Variants in GLIS3 observed in about 807,000 individuals in gnomAD.
The protein encoded by GLIS3 is GLIS family zinc finger 3, also known as zinc finger protein GLIS3.
In GLIS3, 53 loss-of-function variants were observed where a neutral mutation model predicts 78.6. The ratio of observed to expected loss-of-function variants is 0.67; its 90% CI spans 0.54 to 0.85. The LOEUF (loss-of-function observed/expected upper bound fraction) is 0.85. Among genes scored for constraint, GLIS3 ranks in the 40% least tolerant of loss-of-function variants. GLIS3 has a pLI of 0.00. For synonymous variants in GLIS3, 684 were observed against 509.9 expected (o/e 1.34, Z -4.60); for missense variants, 1,703 against 1,231.1 (o/e 1.38, Z -5.74).
rs113363121 is a variant in GLIS3, at chr9:4,277,021, G to T, written c.388+9017C>A. 5.6e-4 allele frequency among the ~76,000 whole-genome samples: 85 copies of T among 152,072 alleles called. 1 individual carries two copies. Among genetic ancestry groups the T allele is most frequent in the African/African-American group, 2.0e-3 (83 of 41,486 alleles). ...GCAAGAAAATATAAATGATTAAAAA[G>T]CAGAAGTGAAAAAAAAATAACCACG... is the stretch of plus-strand genomic sequence containing the variant. On this transcript the variant is annotated intron_variant, in intron 2 of 10. Coordinates refer to ENST00000381971, the MANE Select transcript of GLIS3 (RefSeq NM_001042413.2).
intron 8 of GLIS3, among the ~76,000 whole-genome samples, chr9:3,860,282 A>AAAAAAAAAGACTCTGTC (rs1820111590): frequency 2.0e-5 from 2 of 98,016 alleles, no homozygotes; most frequent in Non-Finnish European, 5.1e-5. Context: ...CAAAAAAAAA[A>AAAAAAAAAGACTCTGTC]AAAAAAAAAA....
intron 4 of GLIS3, among the ~76,000 whole-genome samples, chr9:4,007,474 G>A (rs909182577): frequency 2.6e-5 from 4 of 152,060 alleles, no homozygotes; most frequent in Non-Finnish European, 5.9e-5. Context: ...CTGCCACAGG[G>A]AAGAGATGTA....
intron 2 of GLIS3, among the ~76,000 whole-genome samples, chr9:4,179,808 G>A (rs1586894393): frequency 6.6e-6 from 1 of 151,968 alleles, no homozygotes; most frequent in Admixed American, 6.6e-5. Context: ...TACCCAGGAG[G>A]CTGAGGCAGG....
chr9:4,197,303 T>C (rs188092811), intron 2 of GLIS3, among the ~76,000 whole-genome samples: 3 of 152,198 alleles, frequency 2.0e-5, no homozygotes, highest in East Asian at 1.9e-4. Flanking sequence ...CTCCAGACAT[T>C]TGGAGCACCC....
At chr9:4,239,464 G>A (rs190110106) in intron 2 of GLIS3, among the ~76,000 whole-genome samples, 26 of 152,118 alleles carry the variant, frequency 1.7e-4, no homozygotes, top group Admixed American at 6.5e-4. Flanking sequence ...CAGGGTTGGG[G>A]CTATTCCTAG....
chr9:3,903,282 T>A (rs1027539120), intron 6 of GLIS3, among the ~76,000 whole-genome samples: 6 of 152,224 alleles, frequency 3.9e-5, no homozygotes, highest in Admixed American at 2.0e-4. Context: ...GGATTGTATT[T>A]TCTTTCACAG....
At chr9:4,198,436 G>T (rs1329050421) in intron 2 of GLIS3, among the ~76,000 whole-genome samples, 1 of 151,970 alleles carries the variant, frequency 6.6e-6, no homozygotes, top group Non-Finnish European at 1.5e-5. Flanking sequence ...TCAATAGACT[G>T]AACCAAGCAA....
chr9:4,312,907 A>C (rs1453757436), intron 2 of GLIS3, among the ~76,000 whole-genome samples: 1 of 152,242 alleles, frequency 6.6e-6, no homozygotes, highest in Non-Finnish European at 1.5e-5. Flanking sequence ...TAATCCTCAC[A>C]GTAACACTAC....
Position 3,838,039 on chromosome 9 carries a change from A to T in GLIS3, c.2474-8547T>A, listed in dbSNP as rs534708901. On this transcript the variant is annotated intron_variant, in intron 9 of 10. Transcript: ENST00000381971. ...TGTGTGGGAACTCCCTGCACTTTCCACTACATTTTTCTGTGAACCCAAAAC... is the reference window on the plus strand; with the variant it reads ...TGTGTGGGAACTCCCTGCACTTTCCTCTACATTTTTCTGTGAACCCAAAAC... 3.3e-5 allele frequency among the ~76,000 whole-genome samples: 5 copies of T among 152,232 alleles called. No homozygotes were observed. In the South Asian group the frequency reaches 1.0e-3, roughly 32 times the overall value.
chr9:3,846,504 T>G (rs1819053981), intron 9 of GLIS3, among the ~76,000 whole-genome samples: 1 of 152,238 alleles, frequency 6.6e-6, no homozygotes, highest in Non-Finnish European at 1.5e-5. Flanking sequence ...CTCTCATTCT[T>G]GTGCCAAGTC....
intron 2 of GLIS3, among the ~76,000 whole-genome samples, chr9:4,237,020 G>A (rs1474256307): frequency 3.3e-5 from 5 of 152,036 alleles, no homozygotes; most frequent in Non-Finnish European, 7.4e-5. Context: ...TTAGGCACAT[G>A]TGGCCACTCT....
At chr9:4,138,896 A>G (rs1012518564) in intron 2 of GLIS3, among the ~76,000 whole-genome samples, 2 of 152,170 alleles carry the variant, frequency 1.3e-5, no homozygotes, top group African/African-American at 4.8e-5. Context: ...AGGCACCCCA[A>G]AGAGCTACAG....
the GLIS3 span, among the ~76,000 whole-genome samples, chr9:4,466,124 G>A: frequency 6.6e-6 from 1 of 152,090 alleles, no homozygotes; most frequent in Non-Finnish European, 1.5e-5. Context: ...GAAAGAAAAG[G>A]CATCAGTGCA....
At chr9:4,138,712 C>T (rs775931961) in intron 2 of GLIS3, among the ~76,000 whole-genome samples, 3 of 152,122 alleles carry the variant, frequency 2.0e-5, no homozygotes, top group Non-Finnish European at 4.4e-5. Context: ...ATTTCCTTGT[C>T]TGGGAAATGG....
the GLIS3 span, among the ~76,000 whole-genome samples, chr9:4,477,198 T>A: frequency 6.6e-6 from 1 of 151,906 alleles, no homozygotes. Flanking sequence ...TAAACAAAAA[T>A]GTGGTAAATA....
At chr9:3,949,244 T>C (rs17701244) in intron 4 of GLIS3, among the ~76,000 whole-genome samples, 31,162 of 152,184 alleles carry the variant, frequency 0.2, 3,741 homozygotes, top group East Asian at 0.27. Flanking sequence ...TCCTAAATTA[T>C]ACTAATCATT....
At chr9:4,020,301 T>TTTTTG (rs772018037) in intron 4 of GLIS3, among the ~76,000 whole-genome samples, 10 of 152,102 alleles carry the variant, frequency 6.6e-5, no homozygotes, top group African/African-American at 9.7e-5. Flanking sequence ...TGTTTTGTTT[T>TTTTTG]TTTTGTTTTG....
chr9:4,370,044 T>C, the GLIS3 span, among the ~76,000 whole-genome samples: 37 of 151,774 alleles, frequency 2.4e-4, no homozygotes, highest in Non-Finnish European at 3.1e-4. Context: ...ATACAAAAAT[T>C]AGCCGGGCCT....
chr9:4,408,726 CAAAAA>C, the GLIS3 span, among the ~76,000 whole-genome samples: 3 of 56,726 alleles, frequency 5.3e-5, 1 homozygote, highest in African/African-American at 1.9e-4. Flanking sequence ...GACTCTGTCT[CAAAAA>C]AAAAAAAAAA....
Sources: allele counts gnomAD v4.1 joint callset (sites outside exome capture counted in the v4.1 genomes callset), GRCh38; gene constraint gnomAD v4.1.1; transcripts MANE v1.5; gene names NCBI Gene and HGNC (gene_info 2026-07-23, HGNC 2026-07-21).